Variants in CACNB2 observed in about 807,000 individuals in gnomAD.
CACNB2 encodes voltage-dependent L-type calcium channel subunit beta-2.
In CACNB2, 42 loss-of-function variants were observed where a neutral mutation model predicts 73.3. That is an observed-to-expected ratio of 0.57 (90% CI 0.45 to 0.74). The LOEUF is 0.74. CACNB2 is among the 30% of genes least tolerant of loss of function. CACNB2 has a pLI of 0.00. For synonymous variants in CACNB2, 348 were observed against 310.3 expected (o/e 1.12, Z -1.28); for missense variants, 940 against 853.0 (o/e 1.10, Z -1.27).
chr10:18,221,216 T>C (rs2035780132), intron 2 of CACNB2, among the ~76,000 whole-genome samples: 2 of 152,236 alleles, frequency 1.3e-5, no homozygotes, highest in African/African-American at 2.4e-5. Flanking sequence ...GCTTCCATTC[T>C]AGCGTGACTA....
intron 2 of CACNB2, among the ~76,000 whole-genome samples, chr10:18,170,126 C>T (rs2033127541): frequency 6.6e-6 from 1 of 152,198 alleles, no homozygotes; most frequent in Non-Finnish European, 1.5e-5. Context: ...ATCTGTGACC[C>T]ACTGATGGGC....
intron 2 of CACNB2, among the ~76,000 whole-genome samples, chr10:18,230,936 GA>G (rs910188759): frequency 2.6e-5 from 4 of 151,426 alleles, no homozygotes; most frequent in Admixed American, 1.3e-4. Context: ...GAAAAACCCA[GA>G]AATTTCTCAA....
chr10:18,466,152 T>C (rs12257502), intron 3 of CACNB2, among the ~76,000 whole-genome samples: 7,079 of 152,282 alleles, frequency 0.046, 192 homozygotes, highest in East Asian at 0.098. Flanking sequence ...AATCCCTAAG[T>C]AGCAAATAAA....
chr10:18,502,134 C>G (rs1199719121), intron 5 of CACNB2, among the ~76,000 whole-genome samples: 1 of 152,068 alleles, frequency 6.6e-6, no homozygotes, highest in African/African-American at 2.4e-5. Context: ...TGGTGAAACC[C>G]CATCTCTACT....
At chr10:18,141,047 GGCTTCCATTTTTCTCT>G (rs1564288772) in intron 1 of CACNB2, 191 bp downstream of exon 1, 38 of 1,545,624 alleles carry the variant, frequency 2.5e-5, no homozygotes, top group Non-Finnish European at 3.1e-5. Flanking sequence ...GCTCTGCCTC[GGCTTCCATTTTTCTCT>G]GCTTCCGAAA....
At chr10:18,213,467 T>C (rs971704239) in intron 2 of CACNB2, among the ~76,000 whole-genome samples, 1 of 152,226 alleles carries the variant, frequency 6.6e-6, no homozygotes, top group African/African-American at 2.4e-5. Flanking sequence ...AGATTGGTGC[T>C]GTTCCATTTC....
chr10:18,524,912 C>T (rs2052313264), intron 9 of CACNB2, among the ~76,000 whole-genome samples: 1 of 150,484 alleles, frequency 6.6e-6, no homozygotes. Context: ...CACCTGTAGT[C>T]CCAGCTACTT....
In CACNB2 at chr10:18,254,571, G is replaced by A. The variant is rs942186762; in HGVS notation, c.213+103596G>A. Among the ~76,000 whole-genome samples the A allele has an allele frequency of 2.6e-5, 4 of 152,110 alleles. No homozygotes were observed. In the South Asian group the frequency reaches 6.2e-4, roughly 24 times the overall value. On this transcript the variant is annotated intron_variant, in intron 2 of 13. Coordinates refer to ENST00000324631, the MANE Select transcript of CACNB2 (RefSeq NM_201596.3). Reference sequence around the variant, plus strand: ...CAAAACAAAAACCAAAAAAAATCCCGTACATCAAAAGACAACCCAGACACT... The same window carrying A: ...CAAAACAAAAACCAAAAAAAATCCCATACATCAAAAGACAACCCAGACACT...
intron 3 of CACNB2, among the ~76,000 whole-genome samples, chr10:18,451,926 T>A (rs975913343): frequency 6.6e-6 from 1 of 152,192 alleles, no homozygotes; most frequent in Non-Finnish European, 1.5e-5. Context: ...ATTGTGGTAT[T>A]CAGTTTAGCT....
chr10:18,155,194 T>C (rs934726073), intron 2 of CACNB2, among the ~76,000 whole-genome samples: 31 of 152,226 alleles, frequency 2.0e-4, no homozygotes, highest in African/African-American at 7.5e-4. Context: ...CTTTTGGACC[T>C]TTCTCAATCA....
At chr10:18,513,101 CTTTTT>C (rs71402179) in intron 6 of CACNB2, 10 of 114,394 alleles carry the variant, frequency 8.7e-5, no homozygotes, top group Non-Finnish European at 1.2e-4. Context: ...TGACCATAAC[CTTTTT>C]TTTTTTTTTT....
At chr10:18,499,440 C>T (rs1038509824) in intron 4 of CACNB2, among the ~76,000 whole-genome samples, 7 of 151,784 alleles carry the variant, frequency 4.6e-5, no homozygotes, top group Non-Finnish European at 1.0e-4. Context: ...ACATGGTGAA[C>T]CCCGTCTCCA....
chr10:18,177,435 C>T (rs563670752), intron 2 of CACNB2, among the ~76,000 whole-genome samples: 7 of 142,132 alleles, frequency 4.9e-5, no homozygotes, highest in East Asian at 2.1e-4. Flanking sequence ...GCCTGGCCAA[C>T]GTGGTGAAAC....
At chr10:18,148,241 A>G (rs1296484852) in intron 1 of CACNB2, among the ~76,000 whole-genome samples, 1 of 152,246 alleles carries the variant, frequency 6.6e-6, no homozygotes, top group Non-Finnish European at 1.5e-5. Context: ...GCATGAGCAA[A>G]TGAATACTTT....
In CACNB2 at chr10:18,501,499, A is replaced by G. The variant is rs904455117; in HGVS notation, c.593+551A>G. On this transcript the variant is annotated intron_variant, in intron 5 of 13. Transcript: ENST00000324631. The stretch of plus-strand genomic sequence containing the variant: ...CAGATGGCAATTAGATGAGTTATGT[A>G]AGAAGCTGGGGCTGAATAATCCCTC... Among the ~76,000 whole-genome samples, 59 of 152,254 alleles carry G rather than the reference A, an allele frequency of 3.9e-4. 2 individuals are homozygous for G. Among genetic ancestry groups the G allele is most frequent in the Non-Finnish European group, 1.5e-5 (1 of 68,050 alleles).
At chr10:18,210,270 G>A (rs1357345904) in intron 2 of CACNB2, among the ~76,000 whole-genome samples, 2 of 152,290 alleles carry the variant, frequency 1.3e-5, no homozygotes, top group African/African-American at 2.4e-5. Context: ...AAGAGAAAAC[G>A]CAGCTCCAGA....
chr10:18,500,848 A>G lies in CACNB2; in HGVS notation c.493A>G (p.Lys165Glu). ...NNDWWIGRLV[K>E]EGCEIGFIPS... ...TGACTGGTGGATAGGGCGATTGGTA[A>G]AAGAAGGCTGTGAAATCGGATTCAT... is the stretch of plus-strand genomic sequence containing the variant. Residue 165 changes from lysine (K) to glutamate (E), a missense_variant, in exon 5 of 14, where the codon AAA becomes GAA. Physicochemically the swap from Lys to Glu is moderately conservative, Grantham distance 56. Transcript: ENST00000324631. The G allele has an allele frequency of 6.2e-7, 1 of 1,614,048 alleles. No individual in the cohort carries two copies. Among genetic ancestry groups the G allele is most frequent in the Non-Finnish European group, 8.5e-7 (1 of 1,179,926 alleles).
chr10:18,402,935 G>A (rs1377683153), intron 3 of CACNB2, among the ~76,000 whole-genome samples: 1 of 152,198 alleles, frequency 6.6e-6, no homozygotes, highest in African/African-American at 2.4e-5. Flanking sequence ...TCTCTGAGAT[G>A]AGTAAAATCT....
intron 2 of CACNB2, among the ~76,000 whole-genome samples, chr10:18,378,916 G>C (rs1385556373): frequency 6.6e-6 from 1 of 152,116 alleles, no homozygotes; most frequent in Admixed American, 6.6e-5. Flanking sequence ...AATTTGAGTT[G>C]AGTGCCTGCC....
Sources: allele counts gnomAD v4.1 joint callset (sites outside exome capture counted in the v4.1 genomes callset), GRCh38; gene constraint gnomAD v4.1.1; transcripts MANE v1.5; gene names NCBI Gene and HGNC (gene_info 2026-07-23, HGNC 2026-07-21).